Variants in GSE1 observed in about 807,000 individuals in gnomAD.
GSE1 encodes genetic suppressor element 1.
Under a neutral mutation model 112.6 loss-of-function variants are expected in GSE1, and 32 were observed. That is an observed-to-expected ratio of 0.28 (90% CI 0.21 to 0.38). GSE1 has a LOEUF of 0.38. Ranked by LOEUF, GSE1 falls within the 10% of genes least tolerant of loss-of-function variation. The probability of loss-of-function intolerance (pLI) is 1.00; values close to 1 mark genes in which losing one functional copy is unlikely to be tolerated. For missense variants in GSE1, 2,348 were observed against 1,699.2 expected (o/e 1.38, Z -6.71); for synonymous variants, 1,115 against 735.6 (o/e 1.52, Z -8.35).
chr16:85,638,212 A>G (rs2050160634), intron 2 of GSE1, among the ~76,000 whole-genome samples: 1 of 152,324 alleles, frequency 6.6e-6, no homozygotes, highest in East Asian at 1.9e-4. Context: ...TAAAAATTCA[A>G]TTCAGACGAA....
At chr16:85,403,699 G>A (rs112615438) in intron 2 of GSE1, among the ~76,000 whole-genome samples, 6 of 152,190 alleles carry the variant, frequency 3.9e-5, no homozygotes, top group Non-Finnish European at 8.8e-5. Context: ...CTATGTGGGA[G>A]GCTGAGACGG....
chr16:85,271,583 C>G (rs1030909473), intron 1 of GSE1, among the ~76,000 whole-genome samples: 5 of 152,234 alleles, frequency 3.3e-5, no homozygotes, highest in Non-Finnish European at 7.3e-5. Context: ...TTGCAGCCCA[C>G]GCTGGCTTTC....
At chr16:85,405,192 T>C (rs797009282) in intron 2 of GSE1, among the ~76,000 whole-genome samples, 6 of 1,440 alleles carry the variant, frequency 4.2e-3, no homozygotes, top group Non-Finnish European at 0.028. Flanking sequence ...CAGGGCCCCC[T>C]GGATAATCCT....
chr16:85,356,752 A>G (rs1422101202), intron 1 of GSE1, among the ~76,000 whole-genome samples: 3 of 152,168 alleles, frequency 2.0e-5, no homozygotes, highest in Non-Finnish European at 2.9e-5. Flanking sequence ...TCAGCCTCCC[A>G]AAGTGCTGGG....
intron 2 of GSE1, among the ~76,000 whole-genome samples, chr16:85,492,515 T>A (rs910097628): frequency 3.9e-5 from 6 of 152,178 alleles, no homozygotes; most frequent in African/African-American, 1.4e-4. Flanking sequence ...CGTTCACTTG[T>A]TTAATATCCA....
chr16:85,613,461 C>A, intron 1 of GSE1, 63 bp downstream of exon 1: 1 of 1,426,368 alleles, frequency 7.0e-7, no homozygotes, highest in Non-Finnish European at 9.4e-7. Flanking sequence ...CACTGTCCTC[C>A]TGCAAGTTCG....
intron 1 of GSE1, among the ~76,000 whole-genome samples, chr16:85,258,942 GC>G (rs974844288): frequency 6.6e-6 from 1 of 152,220 alleles, no homozygotes; most frequent in African/African-American, 2.4e-5. Context: ...GCTGTCAGGG[GC>G]CCACTGCTCC....
intron 1 of GSE1, among the ~76,000 whole-genome samples, chr16:85,347,439 C>T (rs992622402): frequency 1.1e-4 from 16 of 152,184 alleles, no homozygotes; most frequent in Admixed American, 2.0e-4. Flanking sequence ...GCTCTTGCCT[C>T]AGCAAGCAGT....
At chr16:85,228,749 C>T (rs545945799) in intron 1 of GSE1, among the ~76,000 whole-genome samples, 9 of 152,246 alleles carry the variant, frequency 5.9e-5, no homozygotes, top group East Asian at 1.9e-4. Context: ...AATGAGAGGG[C>T]CAGCGGTGAC....
At chr16:85,262,321 T>C (rs1907782727) in intron 1 of GSE1, among the ~76,000 whole-genome samples, 1 of 152,222 alleles carries the variant, frequency 6.6e-6, no homozygotes, top group African/African-American at 2.4e-5. Context: ...TTTTATCATG[T>C]GGTGACACGC....
chr16:85,546,229 C>T (rs949096834), intron 2 of GSE1, among the ~76,000 whole-genome samples: 1 of 152,200 alleles, frequency 6.6e-6, no homozygotes, highest in Admixed American at 6.5e-5. Context: ...GGATTACAGA[C>T]GTGCGCCACT....
chr16:85,426,994 G>T (rs1006956735), intron 2 of GSE1, among the ~76,000 whole-genome samples: 4 of 152,124 alleles, frequency 2.6e-5, no homozygotes, highest in African/African-American at 9.7e-5. Flanking sequence ...GGGGGCCTCA[G>T]TTTGCCTGCC....
rs752260173 is a variant in GSE1 at position 85,656,420 on chromosome 16, A to G, written c.1067A>G (p.Glu356Gly). 8 of 1,572,944 alleles carry G rather than the reference A, an allele frequency of 5.1e-6. No homozygotes were observed. Among genetic ancestry groups the G allele is most frequent in the Non-Finnish European group, 6.9e-6 (8 of 1,155,960 alleles). ...EREREREADR[E>G]REKERERERE... The stretch of plus-strand genomic sequence containing the variant: ...GAGCGTGAGCGTGAGGCTGACCGCG[A>G]GCGGGAGAAGGAACGTGAGCGCGAA... Residue 356 changes from glutamate to glycine, a missense_variant, in exon 7 of 16, where the codon GAG (glutamate) becomes GGG (glycine). Physicochemically the swap from Glu to Gly is moderately conservative, Grantham distance 98 (BLOSUM62 -2). Transcript: ENST00000253458.
At position 85,478,907 on chromosome 16, in the gene GSE1, CTTTCTTTCTTTCTTTCTTTCTCTTTCTT is replaced by C. The variant is rs1567520685; in HGVS notation, c.2464+121266_2464+121293del. Among the ~76,000 whole-genome samples the C allele has an allele frequency of 2.2e-3, 113 of 51,038 alleles. 8 individuals carry two copies. The highest frequency in any genetic ancestry group is 9.4e-3 in the African/African-American group (106 of 11,270). The allele number at this position is 51,038 out of a possible 152,430, so 33.5% of individuals were successfully genotyped here. A position where few individuals can be genotyped will look rare whatever the true frequency, so the allele number is the denominator to read the frequency against. On this transcript the variant is annotated intron_variant, in intron 2 of 2. Coordinates refer to the GSE1 transcript ENST00000637419. ...TCTTTCTTTCTTTCTTTCTTTCTTT[CTTTCTTTCTTTCTTTCTTTCTCTTTCTT>C]TCTTTCTTTCTTTTTTTTTCTTTCT...
chr16:85,331,394 T>TATATATATGC lies in GSE1; in HGVS notation c.2284-26069_2284-26068insATATATATGC, dbSNP rs1175329208. Among the ~76,000 whole-genome samples the TATATATATGC allele has an allele frequency of 2.4e-4, 23 of 95,896 alleles. 1 individual carries two copies. Among genetic ancestry groups the TATATATATGC allele is most frequent in the Non-Finnish European group, 3.2e-4 (13 of 40,482 alleles). The allele number at this position is 95,896 out of a possible 152,430, so 62.9% of individuals were successfully genotyped here. A position where few individuals can be genotyped will look rare whatever the true frequency, so the allele number is the denominator to read the frequency against. Reference sequence around the variant, plus strand: ...ATATGTATATATATGTATATATATGTGTATATATGTATATATATGCGTATA... The same window carrying TATATATATGC: ...ATATGTATATATATGTATATATATGTATATATATGCGTATATATGTATATATATGCGTATA... On this transcript the variant is annotated intron_variant, in intron 1 of 2. Transcript: ENST00000637419.
chr16:85,571,865 T>C (rs959586030), intron 1 of GSE1, among the ~76,000 whole-genome samples: 4 of 151,878 alleles, frequency 2.6e-5, no homozygotes, highest in Non-Finnish European at 5.9e-5. Flanking sequence ...TGGCTGTCCA[T>C]GAAATGGGGA....
chr16:85,350,349 G>C (rs1417786429), intron 1 of GSE1, among the ~76,000 whole-genome samples: 1 of 152,180 alleles, frequency 6.6e-6, no homozygotes, highest in African/African-American at 2.4e-5. Context: ...TGCTTGGAAG[G>C]AAGAGATGAT....
At chr16:85,464,348 G>A (rs539482421) in intron 2 of GSE1, among the ~76,000 whole-genome samples, 16 of 152,160 alleles carry the variant, frequency 1.1e-4, no homozygotes, top group Non-Finnish European at 2.2e-4. Context: ...GCCGGGGTGG[G>A]GGGCAGCCGC....
intron 2 of GSE1, among the ~76,000 whole-genome samples, chr16:85,440,470 G>A (rs559100725): frequency 6.6e-6 from 1 of 152,336 alleles, no homozygotes; most frequent in South Asian, 2.1e-4. Flanking sequence ...TGAACCTGCT[G>A]CAGCAGGAGA....
Sources: allele counts gnomAD v4.1 joint callset (sites outside exome capture counted in the v4.1 genomes callset), GRCh38; gene constraint gnomAD v4.1.1; transcripts MANE v1.5; gene names NCBI Gene and HGNC (gene_info 2026-07-23, HGNC 2026-07-21).